ENTHD1: variants seen among roughly 807,000 people sequenced by gnomAD.
ENTHD1 encodes the protein ENTH domain-containing protein 1.
ENTHD1 carries 23 observed loss-of-function variants against 39.1 expected under a neutral mutation model. The ratio of observed to expected loss-of-function variants is 0.59; its 90% CI spans 0.42 to 0.83. The LOEUF (loss-of-function observed/expected upper bound fraction) is 0.83. Among genes scored for constraint, ENTHD1 ranks in the 40% least tolerant of loss-of-function variants. The pLI is 0.00. For missense variants in ENTHD1, 624 were observed against 705.4 expected (o/e 0.88, Z 1.31); for synonymous variants, 230 against 258.2 (o/e 0.89, Z 1.05).
Position 39,765,203 on chromosome 22 carries a change from TG to T in ENTHD1, c.1219+19del. The T allele has an allele frequency of 6.4e-7, 1 of 1,562,454 alleles. No homozygotes were observed. ...GTGTGTGTGTGTGTGTGTGTGTGTG[TG>T]TGTGTTTGGCAGACTCACCCCGTGT... On this transcript the variant is annotated intron_variant, in intron 6 of 6. Coordinates refer to ENST00000325157, the MANE Select transcript of ENTHD1 (RefSeq NM_152512.4).
intron 3 of ENTHD1, among the ~76,000 whole-genome samples, chr22:39,859,620 CAT>C (rs1428540415): frequency 6.6e-6 from 1 of 152,096 alleles, no homozygotes; most frequent in Non-Finnish European, 1.5e-5. Flanking sequence ...TCAGAACACA[CAT>C]GACATCTATC....
chr22:39,813,985 A>G (rs2065713215), intron 5 of ENTHD1, among the ~76,000 whole-genome samples: 1 of 152,190 alleles, frequency 6.6e-6, no homozygotes, highest in Non-Finnish European at 1.5e-5. Flanking sequence ...CTAGGACTAA[A>G]CCTAACGAAA....
chr22:39,771,742 C>T (rs1182082147), intron 5 of ENTHD1, among the ~76,000 whole-genome samples: 1 of 151,506 alleles, frequency 6.6e-6, no homozygotes, highest in Admixed American at 6.6e-5. Context: ...TATCCAGCAA[C>T]AATATTCTTC....
intron 1 of ENTHD1, among the ~76,000 whole-genome samples, chr22:39,890,520 A>G (rs2066418395): frequency 6.6e-6 from 1 of 152,208 alleles, no homozygotes; most frequent in East Asian, 1.9e-4. Flanking sequence ...GGAATTGAAC[A>G]ACAAATGTTA....
At chr22:39,749,686 A>G (rs575191153) in intron 6 of ENTHD1, among the ~76,000 whole-genome samples, 9 of 152,312 alleles carry the variant, frequency 5.9e-5, no homozygotes, top group Middle Eastern at 3.4e-3. Flanking sequence ...AATGTCTGTC[A>G]AGTTAACTAT....
At chr22:39,781,411 AT>A (rs2065409270) in intron 5 of ENTHD1, among the ~76,000 whole-genome samples, 1 of 152,206 alleles carries the variant, frequency 6.6e-6, no homozygotes, top group East Asian at 1.9e-4. Context: ...GGAACAACCA[AT>A]GGGTCAATGA....
At chr22:39,816,145 G>A (rs928718767) in intron 5 of ENTHD1, among the ~76,000 whole-genome samples, 1 of 152,102 alleles carries the variant, frequency 6.6e-6, no homozygotes, top group African/African-American at 2.4e-5. Flanking sequence ...GAGAACTGAG[G>A]ATTCTGTACC....
At chr22:39,879,342 AG>A (rs2066316146) in intron 2 of ENTHD1, among the ~76,000 whole-genome samples, 1 of 151,388 alleles carries the variant, frequency 6.6e-6, no homozygotes, top group South Asian at 2.1e-4. Flanking sequence ...GGGTACCTGT[AG>A]TCCCAGCTAC....
chr22:39,784,224 G>C (rs2065435564), intron 5 of ENTHD1, among the ~76,000 whole-genome samples: 1 of 152,094 alleles, frequency 6.6e-6, no homozygotes, highest in Admixed American at 6.6e-5. Context: ...TAAAATGGCT[G>C]TTATCCAAAG....
intron 2 of ENTHD1, among the ~76,000 whole-genome samples, chr22:39,872,929 A>C (rs1195960751): frequency 6.6e-6 from 1 of 151,732 alleles, no homozygotes. Context: ...TCTTGGGCTC[A>C]AGCTATCTTT....
intron 3 of ENTHD1, among the ~76,000 whole-genome samples, chr22:39,851,819 AAG>A (rs1413531844): frequency 2.6e-5 from 4 of 152,226 alleles, no homozygotes; most frequent in African/African-American, 9.6e-5. Flanking sequence ...ATTTTTCAAA[AAG>A]AGAAACTTAG....
intron 5 of ENTHD1, among the ~76,000 whole-genome samples, chr22:39,815,889 A>G (rs1160651901): frequency 6.6e-6 from 1 of 152,256 alleles, no homozygotes. Context: ...CTACTTATAT[A>G]AAGTTCAAGA....
chr22:39,763,637 G>T (rs1346809027), intron 6 of ENTHD1, among the ~76,000 whole-genome samples: 1 of 151,966 alleles, frequency 6.6e-6, no homozygotes, highest in Non-Finnish European at 1.5e-5. Flanking sequence ...TTTTCTACTT[G>T]GTTGTTTGAT....
At chr22:39,751,548 G>A (rs1297270402) in intron 6 of ENTHD1, among the ~76,000 whole-genome samples, 1 of 152,160 alleles carries the variant, frequency 6.6e-6, no homozygotes, top group Non-Finnish European at 1.5e-5. Context: ...ATTAAAAGCT[G>A]AACACATACT....
intron 5 of ENTHD1, among the ~76,000 whole-genome samples, chr22:39,814,307 A>T (rs1165528492): frequency 2.6e-5 from 4 of 151,856 alleles, no homozygotes; most frequent in African/African-American, 9.7e-5. Flanking sequence ...AAAAAAAAAA[A>T]AAAATAACCA....
rs1460512281 is a variant in ENTHD1, at chr22:39,787,565, C to T, written c.833-21956G>A. Among the ~76,000 whole-genome samples the T allele has an allele frequency of 2.0e-5, 3 of 152,092 alleles. No individual in the cohort carries two copies. The East Asian group carries it at 5.8e-4, about 29-fold the overall frequency. ...AAGAATAATAAGAAAGTGAAACAGC[C>T]TTATTGTTGATATGGAAAAAGTCTG... is the stretch of plus-strand genomic sequence containing the variant. On this transcript the variant is annotated intron_variant, in intron 5 of 6. Coordinates refer to ENST00000325157, the MANE Select transcript of ENTHD1 (RefSeq NM_152512.4).
At chr22:39,790,671 G>T (rs1436084752) in intron 5 of ENTHD1, among the ~76,000 whole-genome samples, 4 of 152,116 alleles carry the variant, frequency 2.6e-5, no homozygotes, top group Non-Finnish European at 4.4e-5. Context: ...AGAGCTACTG[G>T]TCAGATCGTC....
chr22:39,753,501 C>G (rs2065162353), intron 6 of ENTHD1, among the ~76,000 whole-genome samples: 1 of 152,214 alleles, frequency 6.6e-6, no homozygotes, highest in Admixed American at 6.5e-5. Context: ...TGGCTGCCTT[C>G]ACTTTCCTGA....
intron 3 of ENTHD1, among the ~76,000 whole-genome samples, chr22:39,858,926 G>C (rs1035207919): frequency 5.3e-5 from 8 of 152,182 alleles, no homozygotes; most frequent in African/African-American, 1.9e-4. Context: ...GAGAGTCCTA[G>C]ATGGCATCTT....
Sources: gnomAD v4.1 joint callset for allele counts (sites outside exome capture counted in the v4.1 genomes callset) on GRCh38, gnomAD v4.1.1 for gene constraint, MANE v1.5 for transcripts, NCBI Gene and HGNC (gene_info 2026-07-23, HGNC 2026-07-21) for gene names.